CELF2: variants seen among roughly 807,000 people sequenced by gnomAD.
CELF2 encodes CUG triplet repeat RNA-binding protein 2.
CELF2 carries 8 observed loss-of-function variants against 62.6 expected under a neutral mutation model. That is an observed-to-expected ratio of 0.13 (90% CI 0.07 to 0.23). The LOEUF (loss-of-function observed/expected upper bound fraction) is 0.23. CELF2 is among the 10% of genes least tolerant of loss of function. CELF2 has a pLI of 1.00. For synonymous variants in CELF2, 258 were observed against 250.0 expected, an observed-to-expected ratio of 1.03 and a Z score of -0.30; for missense variants, 333 against 671.0, an observed-to-expected ratio of 0.50 and a Z score of 5.56.
chr10:10,958,906 T>A (rs1469927613), intron 2 of CELF2, among the ~76,000 whole-genome samples: 1 of 152,092 alleles, frequency 6.6e-6, no homozygotes, highest in Non-Finnish European at 1.5e-5. Flanking sequence ...TATGTATGTA[T>A]GGCGCTTTGG....
At chr10:10,652,390 C>A in the CELF2 span, among the ~76,000 whole-genome samples, 1 of 125,720 alleles carries the variant, frequency 8.0e-6, no homozygotes, top group East Asian at 2.2e-4. Context: ...AGATACTCCT[C>A]GAGAAGAGCA....
the CELF2 span, among the ~76,000 whole-genome samples, chr10:10,577,727 T>C: frequency 1.3e-5 from 2 of 152,182 alleles, no homozygotes; most frequent in Non-Finnish European, 2.9e-5. Flanking sequence ...CCATGGTGTA[T>C]ATGTGCCACA....
In CELF2 at chr10:11,260,705, C is replaced by A; in HGVS notation, c.538+2833C>A. Among the ~76,000 whole-genome samples the A allele has an allele frequency of 6.6e-6, 1 of 150,654 alleles. No homozygotes were observed. Among genetic ancestry groups the A allele is most frequent in the Admixed American group, 6.6e-5 (1 of 15,206 alleles). ...ATTTCTGGTGAACTGATGAGAATTCCCTGTTGCAAAAAAAGAAAAATAAGA... is the reference window on the plus strand; with the variant it reads ...ATTTCTGGTGAACTGATGAGAATTCACTGTTGCAAAAAAAGAAAAATAAGA... On this transcript the variant is annotated intron_variant, in intron 5 of 12. Transcript: ENST00000633077. The surrounding 1 kb of genome is among the most constrained non-coding windows in gnomAD (Gnocchi z 4.2).
At chr10:10,960,718 AG>A (rs2049403613) in intron 2 of CELF2, among the ~76,000 whole-genome samples, 1 of 152,248 alleles carries the variant, frequency 6.6e-6, no homozygotes, top group South Asian at 2.1e-4. Context: ...GCAGGGCAGC[AG>A]AGACTTCTTA....
chr10:10,681,949 C>T, the CELF2 span, among the ~76,000 whole-genome samples: 1 of 152,316 alleles, frequency 6.6e-6, no homozygotes, highest in East Asian at 1.9e-4. Context: ...ACCCAAACAA[C>T]TGGCTAATGT....
At chr10:10,488,247 C>T in the CELF2 span, among the ~76,000 whole-genome samples, 5 of 152,032 alleles carry the variant, frequency 3.3e-5, no homozygotes, top group Non-Finnish European at 4.4e-5. Context: ...ATCAATATAG[C>T]GATGAAAACA....
chr10:11,208,442 T>G (rs1203525825), intron 2 of CELF2, among the ~76,000 whole-genome samples: 1 of 152,184 alleles, frequency 6.6e-6, no homozygotes, highest in Admixed American at 6.5e-5. Context: ...CAAAGTATGG[T>G]CAGCCATGTA....
chr10:10,851,372 A>G (rs551313549), intron 1 of CELF2, among the ~76,000 whole-genome samples: 105 of 152,324 alleles, frequency 6.9e-4, no homozygotes, highest in South Asian at 1.9e-3. Flanking sequence ...ACAAATGATG[A>G]TGGAACAATT....
intron 8 of CELF2, among the ~76,000 whole-genome samples, chr10:11,276,562 A>C (rs1433115945): frequency 6.6e-6 from 1 of 152,230 alleles, no homozygotes; most frequent in African/African-American, 2.4e-5. Context: ...AAACCTCCTG[A>C]TTGCAAGCTC....
intron 1 of CELF2, among the ~76,000 whole-genome samples, chr10:11,024,163 A>G (rs1033665843): frequency 5.9e-5 from 9 of 152,342 alleles, no homozygotes; most frequent in African/African-American, 1.9e-4. Flanking sequence ...GAAGAAATCT[A>G]TTCTGAAGAG....
chr10:11,148,694 A>AG (rs1195263877), intron 1 of CELF2, among the ~76,000 whole-genome samples: 5 of 152,228 alleles, frequency 3.3e-5, no homozygotes, highest in Non-Finnish European at 7.3e-5. Context: ...ATGCTTTCAT[A>AG]CATAAGTGGT....
chr10:11,206,250 G>A (rs548261068), intron 2 of CELF2, among the ~76,000 whole-genome samples: 8 of 152,238 alleles, frequency 5.3e-5, no homozygotes, highest in East Asian at 1.9e-4. Context: ...TTGAGAGATC[G>A]GCCTGGCCTG....
intron 2 of CELF2, among the ~76,000 whole-genome samples, chr10:10,960,785 T>C (rs1469399579): frequency 2.0e-5 from 3 of 152,232 alleles, no homozygotes; most frequent in Admixed American, 1.3e-4. Flanking sequence ...TAACATGTTA[T>C]AGCAAACCTA....
At position 11,207,565 on chromosome 10, in the gene CELF2, C is replaced by T. The variant is rs916842828; in HGVS notation, c.272-9860C>T. ...GTGAGGAAGGATGTTGGTGGAGCAT[C>T]GCACGACTGCCTCAGGCGGCCAGAG... On this transcript the variant is annotated intron_variant, in intron 2 of 12. Transcript: ENST00000633077. This position sits in a 1 kb window ranked among gnomAD's most constrained non-coding sequence, Gnocchi z 4.1. 6.6e-6 allele frequency among the ~76,000 whole-genome samples: 1 copy of T among 152,250 alleles called. No individual in the cohort carries two copies. The highest frequency in any genetic ancestry group is 2.4e-5 in the African/African-American group (1 of 41,462).
intron 1 of CELF2, among the ~76,000 whole-genome samples, chr10:11,072,830 A>G (rs1594637655): frequency 6.6e-6 from 1 of 150,814 alleles, no homozygotes; most frequent in East Asian, 1.9e-4. Flanking sequence ...TTTTTTTTAC[A>G]TTATAAAACG....
upstream of CELF2, among the ~76,000 whole-genome samples, chr10:11,003,896 T>G (rs2054781017): frequency 2.0e-5 from 3 of 152,182 alleles, no homozygotes; most frequent in Admixed American, 2.0e-4. The surrounding 1 kb of genome is among the most constrained non-coding windows in gnomAD (Gnocchi z 4.4). Flanking sequence ...CATGATCTGA[T>G]TTTTGTCAAG....
At chr10:10,956,048 A>C (rs913858727) in intron 2 of CELF2, among the ~76,000 whole-genome samples, 1 of 152,212 alleles carries the variant, frequency 6.6e-6, no homozygotes, top group Admixed American at 6.5e-5. Flanking sequence ...AGAAATGGAG[A>C]AGAAAGGGCA....
At chr10:10,820,171 C>T (rs993284756) in intron 1 of CELF2, among the ~76,000 whole-genome samples, 2 of 152,168 alleles carry the variant, frequency 1.3e-5, no homozygotes, top group Non-Finnish European at 1.5e-5. Flanking sequence ...GATTCTGAAG[C>T]CTCGCCAGCC....
rs575638671 is a variant in CELF2 at position 11,207,975 on chromosome 10, A to G, written c.272-9450A>G. On this transcript the variant is annotated intron_variant, in intron 2 of 12. Transcript: ENST00000633077. The surrounding 1 kb of genome is among the most constrained non-coding windows in gnomAD (Gnocchi z 4.1). ...GTTATAAAGAGACATTTTAGGTGAC[A>G]TGAACAGAGTGTGAAGCAGATCTTT... Among the ~76,000 whole-genome samples the G allele has an allele frequency of 6.6e-6, 1 of 152,314 alleles. No individual in the cohort carries two copies. The highest frequency in any genetic ancestry group is 6.5e-5 in the Admixed American group (1 of 15,306).
Sources: gnomAD v4.1 joint callset for allele counts (sites outside exome capture counted in the v4.1 genomes callset) on GRCh38, gnomAD v4.1.1 for gene constraint, Gnocchi (gnomAD v3.1) non-coding constraint, MANE v1.5 for transcripts, NCBI Gene and HGNC (gene_info 2026-07-23, HGNC 2026-07-21) for gene names.